ERBB4: variants seen among roughly 807,000 people sequenced by gnomAD.
The protein encoded by ERBB4 is receptor tyrosine-protein kinase erbB-4.
Under a neutral mutation model 158.0 loss-of-function variants are expected in ERBB4, and 42 were observed. The ratio of observed to expected loss-of-function variants is 0.27; its 90% CI spans 0.21 to 0.34. The LOEUF (loss-of-function observed/expected upper bound fraction) is 0.34, where lower values mean the gene tolerates loss of function less well. ERBB4 is among the 10% of genes least tolerant of loss of function. The probability of loss-of-function intolerance (pLI) is 1.00; values close to 1 mark genes in which losing one functional copy is unlikely to be tolerated. For missense variants in ERBB4, 1,333 were observed against 1,624.1 expected (o/e 0.82, Z 3.08); for synonymous variants, 583 against 558.7 (o/e 1.04, Z -0.61).
At chr2:211,448,157 G>A (rs879813691) in intron 20 of ERBB4, among the ~76,000 whole-genome samples, 1 of 151,906 alleles carries the variant, frequency 6.6e-6, no homozygotes, top group Non-Finnish European at 1.5e-5. Context: ...ATTTTTTGTA[G>A]AGACAGGGTT....
intron 3 of ERBB4, among the ~76,000 whole-genome samples, chr2:211,919,534 C>T (rs776577958): frequency 6.6e-6 from 1 of 152,014 alleles, no homozygotes; most frequent in Non-Finnish European, 1.5e-5. Context: ...AGTAAATGTG[C>T]ATGAACACGC....
rs146275782 is a variant in ERBB4 at position 211,824,120 on chromosome 2, A to G, written c.422-35961T>C. 6.0e-4 allele frequency among the ~76,000 whole-genome samples: 91 copies of G among 152,118 alleles called. 4 individuals carry two copies. The East Asian group carries it at 0.017, about 28-fold the overall frequency. ...GCTTTCCCATTGCCCTCTAGCTGCC[A>G]GTAACTCTCCACTGAAGCATTTTAC... On this transcript the variant is annotated intron_variant, in intron 3 of 27. Transcript: ENST00000342788.
intron 1 of ERBB4, among the ~76,000 whole-genome samples, chr2:212,288,970 A>C (rs1446796074): frequency 1.3e-5 from 2 of 152,092 alleles, no homozygotes; most frequent in Admixed American, 1.3e-4. Context: ...GAGGATAGAG[A>C]GTGTGAAGCC....
At chr2:211,671,405 G>C (rs1003576476) in intron 14 of ERBB4, among the ~76,000 whole-genome samples, 1 of 151,776 alleles carries the variant, frequency 6.6e-6, no homozygotes, top group Non-Finnish European at 1.5e-5. Context: ...AAACTAAAAA[G>C]GTTAAGAGAA....
chr2:211,899,720 G>C (rs1412444603), intron 3 of ERBB4, among the ~76,000 whole-genome samples: 1 of 152,070 alleles, frequency 6.6e-6, no homozygotes, highest in African/African-American at 2.4e-5. Flanking sequence ...TTCCTTAATA[G>C]AAAAAGTAAT....
rs373042021 is a variant in ERBB4, at chr2:211,585,865, C to A, written c.2302-23777G>T. 1.3e-3 allele frequency among the ~76,000 whole-genome samples: 193 copies of A among 152,202 alleles called. 3 individuals are homozygous for A. The highest frequency in any genetic ancestry group is 4.5e-3 in the African/African-American group (185 of 41,554). The stretch of plus-strand genomic sequence containing the variant: ...ATAAAGAGGAGATAATTAAAGCCAA[C>A]ACTCAGCTTCTGTTTCATGAAAAGT... On this transcript the variant is annotated intron_variant, in intron 19 of 27. Coordinates refer to ENST00000342788, the MANE Select transcript of ERBB4 (RefSeq NM_005235.3).
At chr2:212,103,730 T>G (rs2079147424) in intron 2 of ERBB4, among the ~76,000 whole-genome samples, 1 of 152,050 alleles carries the variant, frequency 6.6e-6, no homozygotes, top group Non-Finnish European at 1.5e-5. Flanking sequence ...CATTTTTTTT[T>G]TTTACAATGC....
At chr2:212,246,410 C>T (rs1374421325) in intron 1 of ERBB4, among the ~76,000 whole-genome samples, 1 of 152,136 alleles carries the variant, frequency 6.6e-6, no homozygotes, top group Non-Finnish European at 1.5e-5. Flanking sequence ...ATGTTATCTA[C>T]ATTTTAATAA....
intron 1 of ERBB4, among the ~76,000 whole-genome samples, chr2:212,335,081 T>G (rs1183283020): frequency 6.6e-6 from 1 of 152,002 alleles, no homozygotes; most frequent in Non-Finnish European, 1.5e-5. Flanking sequence ...ATGAGAGCTA[T>G]TCTGTAAAAC....
Position 212,373,787 on chromosome 2 carries a change from ACG to A in ERBB4, c.82+164660_82+164661del, listed in dbSNP as rs1344147880. On this transcript the variant is annotated intron_variant, in intron 1 of 27. Coordinates refer to ENST00000342788, the MANE Select transcript of ERBB4 (RefSeq NM_005235.3). Reference sequence around the variant, plus strand: ...CACGTATATATCCATGTATATATCCACGTATATATATCCATATATATATCCAT... The same window carrying A: ...CACGTATATATCCATGTATATATCCATATATATATCCATATATATATCCAT... Among the ~76,000 whole-genome samples, 695 of 97,544 alleles carry A rather than the reference ACG, an allele frequency of 7.1e-3. 36 individuals are homozygous for A. Among genetic ancestry groups the A allele is most frequent in the Non-Finnish European group, 0.012 (525 of 43,094 alleles). 64.0% of individuals were successfully genotyped at this position (97,544 alleles called of 152,430 possible). A position where few individuals can be genotyped will look rare whatever the true frequency, so the allele number is the denominator to read the frequency against.
At chr2:211,840,900 G>T (rs1010677928) in intron 3 of ERBB4, among the ~76,000 whole-genome samples, 2 of 151,960 alleles carry the variant, frequency 1.3e-5, no homozygotes, top group East Asian at 3.9e-4. Context: ...AGATCAAGTG[G>T]GACACTTGCC....
chr2:212,106,555 A>C (rs1272876652), intron 2 of ERBB4, among the ~76,000 whole-genome samples: 1 of 152,238 alleles, frequency 6.6e-6, no homozygotes, highest in Non-Finnish European at 1.5e-5. Flanking sequence ...TAGAAAAGAA[A>C]ATCCTATATT....
chr2:212,014,384 A>G (rs575248642), intron 2 of ERBB4, among the ~76,000 whole-genome samples: 3 of 152,318 alleles, frequency 2.0e-5, no homozygotes, highest in Admixed American at 2.0e-4. Flanking sequence ...AAGTAAAACT[A>G]TTCACATAAA....
chr2:212,496,000 T>C (rs1690546136), intron 1 of ERBB4, among the ~76,000 whole-genome samples: 1 of 152,138 alleles, frequency 6.6e-6, no homozygotes, highest in Admixed American at 6.6e-5. Flanking sequence ...TGATACGGCA[T>C]CAGGTAGAAT....
At chr2:212,409,469 T>C (rs1040325624) in intron 1 of ERBB4, among the ~76,000 whole-genome samples, 12 of 152,154 alleles carry the variant, frequency 7.9e-5, no homozygotes, top group African/African-American at 2.9e-4. Context: ...AGTATGATTG[T>C]ATATGTAAAT....
intron 2 of ERBB4, among the ~76,000 whole-genome samples, chr2:212,008,995 A>G (rs1173301220): frequency 6.6e-6 from 1 of 152,146 alleles, no homozygotes; most frequent in Admixed American, 6.5e-5. Flanking sequence ...TTAAAGATTT[A>G]GAGTATCTAT....
chr2:211,687,018 G>A (rs1318242386), intron 12 of ERBB4, among the ~76,000 whole-genome samples: 3 of 152,066 alleles, frequency 2.0e-5, no homozygotes, highest in Non-Finnish European at 4.4e-5. Flanking sequence ...ATACTGGGCT[G>A]GGCGTGGTGG....
At chr2:211,711,979 A>T in intron 9 of ERBB4, 71 bp downstream of exon 9, 2 of 1,357,176 alleles carry the variant, frequency 1.5e-6, no homozygotes, top group East Asian at 2.3e-5. Context: ...AATCAAATAA[A>T]CAAAACTAAA....
At chr2:212,505,449 GA>G (rs1691139630) in intron 1 of ERBB4, among the ~76,000 whole-genome samples, 1 of 124,184 alleles carries the variant, frequency 8.1e-6, no homozygotes. Context: ...AGGACACAAT[GA>G]GGTCATATGT....
Sources: allele counts gnomAD v4.1 joint callset (sites outside exome capture counted in the v4.1 genomes callset), GRCh38; gene constraint gnomAD v4.1.1; transcripts MANE v1.5; gene names NCBI Gene and HGNC (gene_info 2026-07-23, HGNC 2026-07-21).